Variants in TCF12 observed in about 807,000 individuals in gnomAD.
TCF12 encodes DNA-binding protein HTF4.
In TCF12, 45 loss-of-function variants were observed where a neutral mutation model predicts 86.0. The ratio of observed to expected loss-of-function variants is 0.52; its 90% CI spans 0.41 to 0.67. The LOEUF is 0.67. Among genes scored for constraint, TCF12 ranks in the 30% least tolerant of loss-of-function variants. The pLI, the probability that TCF12 is intolerant of heterozygous loss-of-function variation, is 0.00. For synonymous variants in TCF12, 330 were observed against 299.6 expected (o/e 1.10, Z -1.05); for missense variants, 881 against 859.9 (o/e 1.02, Z -0.31).
intron 5 of TCF12, among the ~76,000 whole-genome samples, chr15:57,153,860 A>T (rs1439281311): frequency 6.6e-6 from 1 of 151,102 alleles, no homozygotes; most frequent in Non-Finnish European, 1.5e-5. Context: ...TGTCTCTCCA[A>T]AAAAAAAACC....
chr15:57,227,262 G>A (rs2591067), intron 8 of TCF12, among the ~76,000 whole-genome samples: 1,875 of 152,060 alleles, frequency 0.012, 43 homozygotes, highest in African/African-American at 0.043. Flanking sequence ...AAGTCATTAC[G>A]CCTCCCTGCC....
At chr15:56,920,083 G>A in intron 2 of TCF12, 95 bp downstream of exon 2, 2 of 1,359,932 alleles carry the variant, frequency 1.5e-6, no homozygotes, top group Non-Finnish European at 2.1e-6. Flanking sequence ...GGGAAGCAAC[G>A]TGGAGACTAG....
intron 3 of TCF12, among the ~76,000 whole-genome samples, chr15:57,041,656 C>G (rs1364148310): frequency 2.6e-5 from 4 of 152,158 alleles, no homozygotes; most frequent in African/African-American, 9.7e-5. Flanking sequence ...TGTAAATTTG[C>G]TAGTTTGCAG....
At chr15:56,922,082 C>T (rs2140179738) in intron 3 of TCF12, among the ~76,000 whole-genome samples, 1 of 152,006 alleles carries the variant, frequency 6.6e-6, no homozygotes, top group Middle Eastern at 3.4e-3. Context: ...CAACTCTTCT[C>T]TCACCTCCTT....
rs375142000 is a variant in TCF12, at chr15:57,163,118, G to A, written c.326-3284G>A. ...CAACCCAGGAGGTGGAGGTTGCAGTGAGCCGAGACCATGCCATTGCACTCC... is the reference window on the plus strand; with the variant it reads ...CAACCCAGGAGGTGGAGGTTGCAGTAAGCCGAGACCATGCCATTGCACTCC... On this transcript the variant is annotated intron_variant, in intron 5 of 20. Transcript: ENST00000333725. 2.3e-4 allele frequency among the ~76,000 whole-genome samples: 35 copies of A among 152,034 alleles called. No homozygotes were observed. The East Asian group carries it at 3.9e-3, about 17-fold the overall frequency.
chr15:57,128,308 T>C (rs1424206854), intron 5 of TCF12, among the ~76,000 whole-genome samples: 2 of 152,204 alleles, frequency 1.3e-5, no homozygotes, highest in East Asian at 3.9e-4. Flanking sequence ...ATCAAGATCA[T>C]GTTTAACTTC....
intron 3 of TCF12, among the ~76,000 whole-genome samples, chr15:57,055,129 G>A (rs529610679): frequency 1.3e-5 from 2 of 152,170 alleles, no homozygotes; most frequent in East Asian, 1.9e-4. Flanking sequence ...GGCCAGGTGC[G>A]TTGGATCACA....
chr15:57,180,252 T>C (rs1169194730), intron 6 of TCF12, among the ~76,000 whole-genome samples: 3 of 152,230 alleles, frequency 2.0e-5, no homozygotes, highest in South Asian at 2.1e-4. Flanking sequence ...TTGATTTGAT[T>C]ATGACTTGGG....
chr15:57,140,660 A>G (rs959517273), intron 5 of TCF12, among the ~76,000 whole-genome samples: 8 of 152,210 alleles, frequency 5.3e-5, no homozygotes, highest in Non-Finnish European at 7.3e-5. Context: ...TTTGGGACAC[A>G]TAGTGGGCTA....
At chr15:57,184,754 A>G (rs890419960) in intron 6 of TCF12, among the ~76,000 whole-genome samples, 70 of 152,290 alleles carry the variant, frequency 4.6e-4, no homozygotes, top group African/African-American at 1.7e-3. Flanking sequence ...GAGCAAAATA[A>G]AAGAAGGAAA....
At chr15:56,963,063 T>C (rs1473845784) in intron 3 of TCF12, among the ~76,000 whole-genome samples, 1 of 138,428 alleles carries the variant, frequency 7.2e-6, no homozygotes, top group East Asian at 2.3e-4. Context: ...TTCTGTACAA[T>C]CATTTTCTGA....
chr15:57,046,541 C>T (rs2141513694), intron 3 of TCF12, among the ~76,000 whole-genome samples: 1 of 152,298 alleles, frequency 6.6e-6, no homozygotes, highest in South Asian at 2.1e-4. Context: ...CTCCCAGGTT[C>T]AAGCTGTTCT....
At chr15:57,163,383 T>C (rs1488196823) in intron 5 of TCF12, among the ~76,000 whole-genome samples, 3 of 152,160 alleles carry the variant, frequency 2.0e-5, no homozygotes, top group Non-Finnish European at 4.4e-5. Context: ...GTTAACCCTT[T>C]AGATATGCAA....
In TCF12 at chr15:57,204,738, C is replaced by G. The variant is rs192841852; in HGVS notation, c.579+6913C>G. 2.3e-4 allele frequency among the ~76,000 whole-genome samples: 34 copies of G among 149,564 alleles called. 1 individual carries two copies. The East Asian group carries it at 6.0e-3, about 27-fold the overall frequency. ...TATTCAAAAGAAAAAAATACTAAAT[C>G]CTGAGGGTGTCTAAACTGAAGATTT... is the stretch of plus-strand genomic sequence containing the variant. On this transcript the variant is annotated intron_variant, in intron 8 of 20. Transcript: ENST00000333725.
intron 3 of TCF12, among the ~76,000 whole-genome samples, chr15:57,022,113 A>G (rs1179054061): frequency 6.6e-6 from 1 of 152,072 alleles, no homozygotes; most frequent in Non-Finnish European, 1.5e-5. Context: ...ACATGTGCAC[A>G]ACGTGCAGGT....
chr15:57,084,364 C>G (rs1340297728), intron 4 of TCF12, among the ~76,000 whole-genome samples: 1 of 152,062 alleles, frequency 6.6e-6, no homozygotes, highest in Non-Finnish European at 1.5e-5. Flanking sequence ...AATGTGAGCT[C>G]TTTAGGATTT....
At chr15:57,137,295 T>A (rs561059618) in intron 5 of TCF12, among the ~76,000 whole-genome samples, 22 of 152,328 alleles carry the variant, frequency 1.4e-4, no homozygotes, top group South Asian at 1.2e-3. Context: ...GCAGTGTTTC[T>A]TAATGTGATA....
At chr15:57,053,084 G>A (rs1215731141) in intron 3 of TCF12, among the ~76,000 whole-genome samples, 1 of 152,144 alleles carries the variant, frequency 6.6e-6, no homozygotes, top group African/African-American at 2.4e-5. Context: ...CACCAACAAT[G>A]TACGGGGGCT....
intron 8 of TCF12, among the ~76,000 whole-genome samples, chr15:57,230,673 C>G (rs553437444): frequency 6.6e-6 from 1 of 152,138 alleles, no homozygotes; most frequent in Non-Finnish European, 1.5e-5. Flanking sequence ...TTGATAGTTA[C>G]CCCTTAATAG....
Sources: gnomAD v4.1 joint callset for allele counts (sites outside exome capture counted in the v4.1 genomes callset) on GRCh38, gnomAD v4.1.1 for gene constraint, MANE v1.5 for transcripts, NCBI Gene and HGNC (gene_info 2026-07-23, HGNC 2026-07-21) for gene names.